MAML3: variants seen among roughly 807,000 people sequenced by gnomAD.
MAML3 encodes the protein mastermind like transcriptional coactivator 3.
MAML3 carries 27 observed loss-of-function variants against 101.9 expected under a neutral mutation model. The ratio of observed to expected loss-of-function variants is 0.27; its 90% confidence interval spans 0.20 to 0.37. The LOEUF is 0.37. Among genes scored for constraint, MAML3 ranks in the 10% least tolerant of loss-of-function variants. The probability of loss-of-function intolerance (pLI) is 1.00; values close to 1 mark genes in which losing one functional copy is unlikely to be tolerated. For synonymous variants in MAML3, 501 were observed against 555.9 expected (o/e 0.90, Z 1.39); for missense variants, 1,316 against 1,444.9 (o/e 0.91, Z 1.45).
At chr4:139,734,887 G>C (rs1476933339) in intron 2 of MAML3, among the ~76,000 whole-genome samples, 1 of 152,250 alleles carries the variant, frequency 6.6e-6, no homozygotes, top group Non-Finnish European at 1.5e-5. Flanking sequence ...CGTGGATAAC[G>C]GGCTTGAGGA....
intron 1 of MAML3, among the ~76,000 whole-genome samples, chr4:140,112,397 T>C (rs1443186767): frequency 1.3e-5 from 2 of 152,364 alleles, no homozygotes; most frequent in Admixed American, 1.3e-4. Context: ...ACATGTTGAC[T>C]TGGTGGTTTC....
At chr4:139,840,079 C>G (rs563756068) in intron 2 of MAML3, among the ~76,000 whole-genome samples, 2 of 152,188 alleles carry the variant, frequency 1.3e-5, no homozygotes, top group African/African-American at 4.8e-5. Flanking sequence ...CTCTGTCTTC[C>G]TGTGCATGGA....
intron 2 of MAML3, among the ~76,000 whole-genome samples, chr4:139,750,672 A>G (rs1437173196): frequency 1.2e-4 from 19 of 152,222 alleles, no homozygotes; most frequent in Admixed American, 1.2e-3. Flanking sequence ...ATAAATTTAA[A>G]GAGGTAGTTA....
intron 2 of MAML3, among the ~76,000 whole-genome samples, chr4:139,825,787 G>T (rs1578618951): frequency 6.6e-6 from 1 of 150,540 alleles, no homozygotes; most frequent in African/African-American, 2.4e-5. Context: ...AAAGTTGCAC[G>T]TTCTTTTATA....
intron 1 of MAML3, among the ~76,000 whole-genome samples, chr4:140,057,660 A>G (rs1322144458): frequency 6.6e-6 from 1 of 152,200 alleles, no homozygotes; most frequent in African/African-American, 2.4e-5. Context: ...TATGAATATT[A>G]GTAGTAATAA....
Position 139,719,677 on chromosome 4 carries a change from G to T in MAML3, c.3063C>A (p.Leu1021=), listed in dbSNP as rs1485384828. The T allele has an allele frequency of 6.2e-7, 1 of 1,613,268 alleles. No homozygotes were observed. Reference sequence around the variant, plus strand: ...TCTGCCGACCCATGGCAGCTGGGTTGAGGGTCCTCACTGTGCCCGTGTTAG... The same window carrying T: ...TCTGCCGACCCATGGCAGCTGGGTTTAGGGTCCTCACTGTGCCCGTGTTAG... ...VDANTGTVRT[L]NPAAMGRQMM... The change falls in exon 5 of 5, where the codon CTC becomes CTA. Residue 1021 remains leucine, a synonymous_variant. Transcript: ENST00000509479.
intron 2 of MAML3, among the ~76,000 whole-genome samples, chr4:139,820,742 G>T (rs1490637352): frequency 6.6e-6 from 1 of 152,144 alleles, no homozygotes. Flanking sequence ...TATTCTTTCA[G>T]TTGAATATAC....
chr4:139,860,387 C>A (rs1017777674), intron 2 of MAML3, among the ~76,000 whole-genome samples: 2 of 152,232 alleles, frequency 1.3e-5, no homozygotes, highest in African/African-American at 4.8e-5. Context: ...GCCCTGGAGC[C>A]CATGGAAACA....
intron 1 of MAML3, among the ~76,000 whole-genome samples, chr4:140,127,114 T>C (rs1447505169): frequency 6.6e-6 from 1 of 152,254 alleles, no homozygotes; most frequent in Admixed American, 6.5e-5. Context: ...CTTATGCTTC[T>C]GAGCGTGGCA....
intron 2 of MAML3, among the ~76,000 whole-genome samples, chr4:139,786,989 G>A (rs1055578419): frequency 1.3e-5 from 2 of 152,188 alleles, no homozygotes; most frequent in Non-Finnish European, 2.9e-5. Flanking sequence ...TGCTGCAGTG[G>A]GAAATGCTGA....
chr4:139,730,713 C>A, intron 2 of MAML3, 46 bp from the exon 3 acceptor site: 1 of 1,539,848 alleles, frequency 6.5e-7, no homozygotes, highest in Non-Finnish European at 8.9e-7. Context: ...CCCATAGAGA[C>A]TCACTGCTGT....
intron 1 of MAML3, among the ~76,000 whole-genome samples, chr4:140,001,288 T>C (rs1042138387): frequency 6.6e-6 from 1 of 152,210 alleles, no homozygotes; most frequent in Admixed American, 6.5e-5. Context: ...TGAAACCAGT[T>C]TGAAGGCTCC....
chr4:140,145,878 C>CTTTTTTTTTTTT lies in MAML3; in HGVS notation c.468+6970_468+6981dup, dbSNP rs10625860. Among the ~76,000 whole-genome samples the CTTTTTTTTTTTT allele has an allele frequency of 1.0e-4, 11 of 108,494 alleles. 4 individuals are homozygous for CTTTTTTTTTTTT. Among genetic ancestry groups the CTTTTTTTTTTTT allele is most frequent in the Middle Eastern group, 0.017 (2 of 120 alleles). 71.2% of individuals were successfully genotyped at this position (108,494 alleles called of 152,430 possible). On this transcript the variant is annotated intron_variant, in intron 1 of 4. Transcript: ENST00000509479. ...GCGCCTGGCCTTTTTTTTCTTTTTT[C>CTTTTTTTTTTTT]TTTTTTTTTTTTGAGAAGGATTTTT...
At chr4:139,789,469 T>G (rs1032184673) in intron 2 of MAML3, among the ~76,000 whole-genome samples, 2 of 152,122 alleles carry the variant, frequency 1.3e-5, no homozygotes, top group Non-Finnish European at 2.9e-5. Flanking sequence ...GGGATCCTCA[T>G]GAGCGAAGCG....
chr4:139,798,044 GAA>G (rs1449060154), intron 2 of MAML3, among the ~76,000 whole-genome samples: 1 of 45,236 alleles, frequency 2.2e-5, no homozygotes. Flanking sequence ...GAGAAAGAAA[GAA>G]AGAAAGAAAG....
intron 1 of MAML3, among the ~76,000 whole-genome samples, chr4:139,933,424 A>G (rs1011689471): frequency 6.6e-6 from 1 of 152,200 alleles, no homozygotes; most frequent in Non-Finnish European, 1.5e-5. Context: ...TCTTCCAAAT[A>G]GGAGCAAGGG....
chr4:140,069,415 A>G (rs1727597776), intron 1 of MAML3, among the ~76,000 whole-genome samples: 1 of 49,082 alleles, frequency 2.0e-5, no homozygotes, highest in African/African-American at 8.5e-5. Flanking sequence ...GAGGAGGAGG[A>G]GGAGGGGAAG....
chr4:139,810,229 G>A (rs1434462060), intron 2 of MAML3, among the ~76,000 whole-genome samples: 3 of 125,282 alleles, frequency 2.4e-5, no homozygotes, highest in Non-Finnish European at 4.8e-5. Flanking sequence ...ATCTGGCTCT[G>A]TCACCCAGGC....
chr4:139,988,020 C>CAAA lies in MAML3; in HGVS notation c.469-97056_469-97054dup, dbSNP rs71593735. ...CTGGCAACACAGCAAAACTCCGTCTCAAAAAAAAAAAAAAAAAAAAAAGGA... is the reference window on the plus strand; with the variant it reads ...CTGGCAACACAGCAAAACTCCGTCTCAAAAAAAAAAAAAAAAAAAAAAAAAGGA... On this transcript the variant is annotated intron_variant, in intron 1 of 4. Transcript: ENST00000509479. 7.9e-3 allele frequency among the ~76,000 whole-genome samples: 246 copies of CAAA among 31,208 alleles called. 6 individuals carry two copies. The highest frequency in any genetic ancestry group is 0.011 in the Admixed American group (19 of 1,788). 20.5% of individuals were successfully genotyped at this position (31,208 alleles called of 152,430 possible).
Sources: allele counts gnomAD v4.1 joint callset (sites outside exome capture counted in the v4.1 genomes callset), GRCh38; gene constraint gnomAD v4.1.1; transcripts MANE v1.5; gene names NCBI Gene and HGNC (gene_info 2026-07-23, HGNC 2026-07-21).